KIF26B: variants seen among roughly 807,000 people sequenced by gnomAD.
KIF26B encodes kinesin-like protein KIF26B.
A neutral mutation model predicts 151.2 loss-of-function variants in KIF26B; 63 were observed. The observed-to-expected ratio is 0.42, with a 90% CI of 0.34 to 0.51. KIF26B has a LOEUF of 0.51. Ranked by LOEUF, KIF26B falls within the 20% of genes least tolerant of loss-of-function variation. The pLI, the probability that KIF26B is intolerant of heterozygous loss-of-function variation, is 0.07. For synonymous variants in KIF26B, 1,357 were observed against 1,262.1 expected, an observed-to-expected ratio of 1.08 and a Z score of -1.59; for missense variants, 2,813 against 2,913.6, an observed-to-expected ratio of 0.97 and a Z score of 0.79.
intron 3 of KIF26B, among the ~76,000 whole-genome samples, chr1:245,368,926 G>T (rs1244846294): frequency 6.6e-6 from 1 of 152,098 alleles, no homozygotes; most frequent in East Asian, 1.9e-4. Flanking sequence ...CTTGAGTACA[G>T]GAGTTGAAGA....
chr1:245,441,621 G>A (rs1168984266), intron 4 of KIF26B, among the ~76,000 whole-genome samples: 2 of 151,998 alleles, frequency 1.3e-5, no homozygotes, highest in African/African-American at 4.8e-5. Context: ...CCCGGGAAGA[G>A]GAACAAGAAT....
intron 4 of KIF26B, among the ~76,000 whole-genome samples, chr1:245,514,371 A>G (rs1660904540): frequency 6.6e-6 from 1 of 152,098 alleles, no homozygotes; most frequent in African/African-American, 2.4e-5. Context: ...TACTAAAAAT[A>G]CAAAAATGTT....
In KIF26B at chr1:245,688,617, G is replaced by A. The variant is rs1395100550; in HGVS notation, c.5634G>A (p.Glu1878=). The change falls in exon 12 of 15, where the codon GAG becomes GAA. Residue 1878 remains glutamate, a synonymous_variant. Transcript: ENST00000407071. ...GSDNSSVLSG[E]LPPAMGKTAL... Reference sequence around the variant, plus strand: ...ACAACAGCAGCGTGCTGAGCGGGGAGCTCCCGCCGGCCATGGGGAAGACGG... The same window carrying A: ...ACAACAGCAGCGTGCTGAGCGGGGAACTCCCGCCGGCCATGGGGAAGACGG... 3.1e-6 allele frequency: 5 copies of A among 1,592,574 alleles called. No homozygotes were observed. The highest frequency in any genetic ancestry group is 2.3e-5 in the East Asian group (1 of 43,598).
Position 245,698,390 on chromosome 1 carries a change from G to T in KIF26B, c.6027+82G>T. On this transcript the variant is annotated intron_variant, in intron 13 of 14. Coordinates refer to ENST00000407071, the MANE Select transcript of KIF26B (RefSeq NM_018012.4). The surrounding 1 kb of genome is among the most constrained non-coding windows in gnomAD (Gnocchi z 4.0). ...TGAGCAGGTGCTAGGCAGGGCCCTG[G>T]GGAAGAAAACTCAGACCCGGGCTTC... is the stretch of plus-strand genomic sequence containing the variant. 2 of 1,336,576 alleles carry T rather than the reference G, an allele frequency of 1.5e-6. No individual in the cohort carries two copies. Among genetic ancestry groups the T allele is most frequent in the East Asian group, 2.4e-5 (1 of 41,474 alleles). 82.8% of individuals were successfully genotyped at this position (1,336,576 alleles called of 1,614,324 possible).
chr1:245,425,786 A>G (rs1658631904), intron 4 of KIF26B, among the ~76,000 whole-genome samples: 1 of 152,218 alleles, frequency 6.6e-6, no homozygotes, highest in African/African-American at 2.4e-5. Context: ...AATGGTGAAA[A>G]TGGACAAAGA....
chr1:245,666,660 C>T (rs756733418), intron 10 of KIF26B, among the ~76,000 whole-genome samples: 1 of 152,084 alleles, frequency 6.6e-6, no homozygotes, highest in Admixed American at 6.6e-5. Flanking sequence ...GCTGCTTCCT[C>T]GGCAAGCAGA....
In KIF26B at chr1:245,540,779, G is replaced by GT; in HGVS notation, c.1181dup (p.Leu394PhefsTer6). 1 of 1,613,954 alleles carries GT rather than the reference G, an allele frequency of 6.2e-7. No homozygotes were observed. Among genetic ancestry groups the GT allele is most frequent in the Non-Finnish European group, 8.5e-7 (1 of 1,179,846 alleles). On this transcript the variant is annotated frameshift_variant, in exon 5 of 15. Coordinates refer to ENST00000407071, the MANE Select transcript of KIF26B (RefSeq NM_018012.4). LOFTEE classifies it high-confidence loss of function. The surrounding 1 kb of genome is among the most constrained non-coding windows in gnomAD (Gnocchi z 4.6). The stretch of plus-strand genomic sequence containing the variant: ...TTTTCCACTCCAGAGCTGCCCAGAA[G>GT]TTAAATCTGTCTTCTAAAAAGAAGA...
At chr1:245,642,562 GAAAAAAAA>G (rs34401122) in intron 9 of KIF26B, among the ~76,000 whole-genome samples, 4,388 of 73,028 alleles carry the variant, frequency 0.06, 254 homozygotes, top group African/African-American at 0.17. Flanking sequence ...CTCCGTCTCA[GAAAAAAAA>G]AAAAAAAAAA....
At chr1:245,494,363 G>T (rs9701424) in intron 4 of KIF26B, among the ~76,000 whole-genome samples, 3 of 152,012 alleles carry the variant, frequency 2.0e-5, no homozygotes, top group African/African-American at 7.2e-5. Flanking sequence ...GAGAAAAGGC[G>T]CTAGGAGATA....
Position 245,457,101 on chromosome 1 carries a change from G to C in KIF26B, c.1166+37356G>C, listed in dbSNP as rs529448965. ...GGCTGGGCTCGAACTCCTGACGTCA[G>C]GTGATCTGCCCGCCTCGGCCTCCCA... is the stretch of plus-strand genomic sequence containing the variant. On this transcript the variant is annotated intron_variant, in intron 4 of 14. Coordinates refer to ENST00000407071, the MANE Select transcript of KIF26B (RefSeq NM_018012.4). Among the ~76,000 whole-genome samples the C allele has an allele frequency of 3.9e-5, 6 of 152,312 alleles. No individual in the cohort carries two copies. In the East Asian group the frequency reaches 1.2e-3, roughly 29 times the overall value.
chr1:245,174,300 A>C (rs540855577), intron 2 of KIF26B, among the ~76,000 whole-genome samples: 147 of 152,248 alleles, frequency 9.7e-4, no homozygotes, highest in African/African-American at 3.4e-3. Flanking sequence ...GTACTGGGTC[A>C]TTGCCACTAT....
At chr1:245,573,053 G>A (rs1260513527) in intron 5 of KIF26B, among the ~76,000 whole-genome samples, 2 of 152,102 alleles carry the variant, frequency 1.3e-5, no homozygotes, top group African/African-American at 4.8e-5. Flanking sequence ...AACACACACG[G>A]AATAACAAGC....
At chr1:245,504,257 T>A (rs1013520552) in intron 4 of KIF26B, among the ~76,000 whole-genome samples, 2 of 151,906 alleles carry the variant, frequency 1.3e-5, no homozygotes, top group Admixed American at 1.3e-4. Context: ...CTCCAACCCC[T>A]TCCCACCTTC....
At chr1:245,404,499 T>C (rs1224142081) in intron 3 of KIF26B, among the ~76,000 whole-genome samples, 1 of 152,178 alleles carries the variant, frequency 6.6e-6, no homozygotes, top group Non-Finnish European at 1.5e-5. Context: ...ATCCTCACAA[T>C]AAGCTAGTTG....
Position 245,338,985 on chromosome 1 carries a change from T to G in KIF26B, c.466-27849T>G, listed in dbSNP as rs5782335. 6.4e-3 allele frequency among the ~76,000 whole-genome samples: 210 copies of G among 32,882 alleles called. 1 individual carries two copies. Among genetic ancestry groups the G allele is most frequent in the Non-Finnish European group, 9.2e-3 (102 of 11,120 alleles). The allele number at this position is 32,882 out of a possible 152,430, so 21.6% of individuals were successfully genotyped here. ...ATAGGGTAGAATTTTGCTTTTAGGG[T>G]TTTTTTTTTTTTTGAGACGTAATCT... On this transcript the variant is annotated intron_variant, in intron 2 of 14. Coordinates refer to ENST00000407071, the MANE Select transcript of KIF26B (RefSeq NM_018012.4).
At chr1:245,556,931 G>A (rs1662054681) in intron 5 of KIF26B, among the ~76,000 whole-genome samples, 1 of 152,162 alleles carries the variant, frequency 6.6e-6, no homozygotes, top group African/African-American at 2.4e-5. Flanking sequence ...CAGCAGCGTG[G>A]AACTCACAGT....
At chr1:245,476,821 T>C (rs1018301879) in intron 4 of KIF26B, among the ~76,000 whole-genome samples, 1 of 151,750 alleles carries the variant, frequency 6.6e-6, no homozygotes, top group Non-Finnish European at 1.5e-5. Context: ...CCACCGCACC[T>C]GGCCACCCCT....
intron 9 of KIF26B, among the ~76,000 whole-genome samples, chr1:245,638,838 C>G (rs140183470): frequency 2.4e-3 from 360 of 151,936 alleles, no homozygotes; most frequent in African/African-American, 8.0e-3. Flanking sequence ...ATGAATCCTA[C>G]TTGATTATGG....
chr1:245,639,427 T>C (rs1464516542), intron 9 of KIF26B, among the ~76,000 whole-genome samples: 1 of 151,842 alleles, frequency 6.6e-6, no homozygotes, highest in Non-Finnish European at 1.5e-5. Context: ...CTTTTTATTT[T>C]GTTGGGGTTT....
Sources: gnomAD v4.1 joint callset for allele counts (sites outside exome capture counted in the v4.1 genomes callset) on GRCh38, gnomAD v4.1.1 for gene constraint, Gnocchi (gnomAD v3.1) non-coding constraint, MANE v1.5 for transcripts, NCBI Gene and HGNC (gene_info 2026-07-23, HGNC 2026-07-21) for gene names.